CASQ2: variants seen among roughly 807,000 people sequenced by gnomAD.
The protein encoded by CASQ2 is calsequestrin-2.
Under a neutral mutation model 46.5 loss-of-function variants are expected in CASQ2, and 49 were observed. The ratio of observed to expected loss-of-function variants is 1.05; its 90% CI spans 0.84 to 1.34. The LOEUF (loss-of-function observed/expected upper bound fraction) is 1.34, where lower values mean the gene tolerates loss of function less well. Among genes scored for constraint, CASQ2 ranks in the 40% most tolerant of loss-of-function variants. The pLI, the probability that CASQ2 is intolerant of heterozygous loss-of-function variation, is 0.00. For missense variants in CASQ2, 486 were observed against 481.3 expected (o/e 1.01, Z -0.09); for synonymous variants, 174 against 168.5 (o/e 1.03, Z -0.25).
intron 1 of CASQ2, among the ~76,000 whole-genome samples, chr1:115,767,303 A>G (rs1174306675): frequency 1.3e-5 from 2 of 152,130 alleles, no homozygotes; most frequent in African/African-American, 4.8e-5. Context: ...AAGGTTGGAG[A>G]TATACTTTTG....
At chr1:115,761,756 A>G (rs543500331) in intron 1 of CASQ2, among the ~76,000 whole-genome samples, 82 of 152,210 alleles carry the variant, frequency 5.4e-4, no homozygotes, top group African/African-American at 1.7e-3. Flanking sequence ...TCAGAGGCCT[A>G]CATTACCCAG....
chr1:115,725,056 GT>G lies in CASQ2; in HGVS notation c.783+451del, dbSNP rs564139696. On this transcript the variant is annotated intron_variant, in intron 7 of 10. Transcript: ENST00000261448. ...TTTAATTGAGCATGAAGTTGTCCAT[GT>G]TTTTGTTTTGTTTTGTTTCATTTTT... Among the ~76,000 whole-genome samples, 14 of 152,148 alleles carry G rather than the reference GT, an allele frequency of 9.2e-5. No homozygotes were observed. In the South Asian group the frequency reaches 2.9e-3, roughly 32 times the overall value.
chr1:115,727,234 T>A (rs1166409079), intron 5 of CASQ2, 112 bp from the exon 6 acceptor site: 1 of 834,142 alleles, frequency 1.2e-6, no homozygotes, highest in Non-Finnish European at 2.0e-6. Context: ...TAAAAACAGA[T>A]GTACAGTTTT....
At chr1:115,761,264 G>T (rs1049408301) in intron 1 of CASQ2, among the ~76,000 whole-genome samples, 2 of 147,446 alleles carry the variant, frequency 1.4e-5, no homozygotes, top group South Asian at 2.2e-4. Flanking sequence ...AGGCATGATG[G>T]TGGGCACCTG....
chr1:115,768,186 A>G, intron 1 of CASQ2, 122 bp downstream of exon 1: 1 of 751,894 alleles, frequency 1.3e-6, no homozygotes, highest in Non-Finnish European at 2.4e-6. Context: ...GTGAGGCCAA[A>G]ATAAAGCAGA....
At chr1:115,762,870 G>C (rs1341011350) in intron 1 of CASQ2, among the ~76,000 whole-genome samples, 1 of 152,170 alleles carries the variant, frequency 6.6e-6, no homozygotes, top group Non-Finnish European at 1.5e-5. Flanking sequence ...CCTCATCCCA[G>C]GCTGGGTGCT....
chr1:115,768,188 T>TA, intron 1 of CASQ2, 120 bp downstream of exon 1: 1 of 757,320 alleles, frequency 1.3e-6, no homozygotes, highest in African/African-American at 1.7e-5. Context: ...GAGGCCAAAA[T>TA]AAAGCAGAGT....
chr1:115,705,550 T>C (rs1654333464), intron 8 of CASQ2, among the ~76,000 whole-genome samples: 1 of 152,244 alleles, frequency 6.6e-6, no homozygotes, highest in South Asian at 2.1e-4. Flanking sequence ...CCAAACTTCA[T>C]TTGTGAAAAC....
chr1:115,763,820 T>C (rs933910844), intron 1 of CASQ2, among the ~76,000 whole-genome samples: 4 of 152,184 alleles, frequency 2.6e-5, no homozygotes, highest in African/African-American at 7.2e-5. Flanking sequence ...GGACTTTCTC[T>C]GGCAATATTT....
At chr1:115,724,326 A>G (rs1476478241) in intron 7 of CASQ2, among the ~76,000 whole-genome samples, 1 of 152,200 alleles carries the variant, frequency 6.6e-6, no homozygotes, top group Admixed American at 6.5e-5. Context: ...TTGGGGAGAC[A>G]GAGTCTTGCT....
At chr1:115,707,802 G>A (rs1483863178) in intron 8 of CASQ2, among the ~76,000 whole-genome samples, 1 of 152,218 alleles carries the variant, frequency 6.6e-6, no homozygotes, top group Admixed American at 6.5e-5. Context: ...AGAGTCAAAT[G>A]TAAAAGGGAC....
intron 6 of CASQ2, among the ~76,000 whole-genome samples, chr1:115,726,470 C>T (rs1485884563): frequency 6.6e-6 from 1 of 152,194 alleles, no homozygotes; most frequent in Non-Finnish European, 1.5e-5. Flanking sequence ...TTGTTCTTTA[C>T]AGAAAAAGTT....
At chr1:115,727,482 C>G (rs1013818558) in intron 5 of CASQ2, among the ~76,000 whole-genome samples, 1 of 152,162 alleles carries the variant, frequency 6.6e-6, no homozygotes, top group Non-Finnish European at 1.5e-5. Context: ...TATTTACTAT[C>G]CTGTGTTGTA....
chr1:115,742,923 G>C (rs1315861976), intron 2 of CASQ2, among the ~76,000 whole-genome samples: 1 of 152,040 alleles, frequency 6.6e-6, no homozygotes, highest in African/African-American at 2.4e-5. Context: ...CGAGTAGTGG[G>C]ACTACAGGCA....
rs1224922092 is a variant in CASQ2, at chr1:115,768,514, C to A, written c.28G>T (p.Gly10Trp). 6.2e-7 allele frequency: 1 copy of A among 1,613,058 alleles called. No homozygotes were observed. The highest frequency in any genetic ancestry group is 1.1e-5 in the South Asian group (1 of 91,046). MKRTHLFIV[G>W]IYFLSSCRAE... ...CTGCAAGAGGACAGAAAATAAATCC[C>A]CACAATAAACAAGTGAGTTCTCTTC... Residue 10 changes from glycine to tryptophan, a missense_variant, in exon 1 of 11, where the codon GGG (glycine) becomes TGG (tryptophan). Transcript: ENST00000261448.
chr1:115,726,542 G>T (rs80298631), intron 6 of CASQ2, among the ~76,000 whole-genome samples: 4,535 of 152,288 alleles, frequency 0.03, 98 homozygotes, highest in Non-Finnish European at 0.044. Flanking sequence ...GAAGTTCTAT[G>T]CATAGAGTGT....
At chr1:115,747,742 T>G (rs906081542) in intron 1 of CASQ2, among the ~76,000 whole-genome samples, 1 of 152,236 alleles carries the variant, frequency 6.6e-6, no homozygotes, top group Non-Finnish European at 1.5e-5. Context: ...CTGTAAATTG[T>G]ATTGTATTTT....
intron 5 of CASQ2, among the ~76,000 whole-genome samples, chr1:115,730,331 A>T (rs1647742713): frequency 6.6e-6 from 1 of 152,170 alleles, no homozygotes; most frequent in African/African-American, 2.4e-5. Flanking sequence ...TGCAACTCAT[A>T]TGATGTATTT....
intron 1 of CASQ2, among the ~76,000 whole-genome samples, chr1:115,761,679 A>T (rs1294270779): frequency 1.3e-5 from 2 of 151,616 alleles, no homozygotes; most frequent in Non-Finnish European, 2.9e-5. Context: ...AAGGAAGCTC[A>T]GTCTGTTAGG....
Sources: gnomAD v4.1 joint callset for allele counts (sites outside exome capture counted in the v4.1 genomes callset) on GRCh38, gnomAD v4.1.1 for gene constraint, MANE v1.5 for transcripts, NCBI Gene and HGNC (gene_info 2026-07-23, HGNC 2026-07-21) for gene names.